SKAP2: variants seen among roughly 807,000 people sequenced by gnomAD.
SKAP2 encodes src kinase-associated phosphoprotein 2.
A neutral mutation model predicts 54.9 loss-of-function variants in SKAP2; 28 were observed. The observed-to-expected ratio is 0.51, with a 90% confidence interval of 0.38 to 0.70. The LOEUF (loss-of-function observed/expected upper bound fraction) is 0.70. SKAP2 is among the 30% of genes least tolerant of loss of function. The probability of loss-of-function intolerance (pLI) is 0.00; values close to 1 mark genes in which losing one functional copy is unlikely to be tolerated. For missense variants in SKAP2, 356 were observed against 424.1 expected, an observed-to-expected ratio of 0.84 and a Z score of 1.41; for synonymous variants, 137 against 134.3, an observed-to-expected ratio of 1.02 and a Z score of -0.14.
chr7:26,746,963 A>C (rs1782571773), intron 4 of SKAP2, among the ~76,000 whole-genome samples: 1 of 152,208 alleles, frequency 6.6e-6, no homozygotes, highest in Non-Finnish European at 1.5e-5. Context: ...TATGAGAGAA[A>C]TAAATACATA....
chr7:26,730,866 G>A (rs1381178176), intron 6 of SKAP2, among the ~76,000 whole-genome samples: 2 of 152,030 alleles, frequency 1.3e-5, no homozygotes, highest in South Asian at 4.2e-4. Flanking sequence ...GTGTTCTGGG[G>A]GTTTTTTAAG....
At chr7:26,795,862 T>C (rs867301870) in intron 4 of SKAP2, among the ~76,000 whole-genome samples, 1 of 152,188 alleles carries the variant, frequency 6.6e-6, no homozygotes, top group Non-Finnish European at 1.5e-5. Context: ...TAAGTGCAAA[T>C]AGCAGTGCAT....
At chr7:26,658,521 A>AT in the SKAP2 span, among the ~76,000 whole-genome samples, 333 of 149,458 alleles carry the variant, frequency 2.2e-3, 2 homozygotes, top group African/African-American at 7.6e-3. Flanking sequence ...CATTTTTCAG[A>AT]TTTTTTTTTT....
intron 9 of SKAP2, among the ~76,000 whole-genome samples, chr7:26,701,094 C>A (rs879665962): frequency 6.6e-6 from 1 of 152,146 alleles, no homozygotes; most frequent in Non-Finnish European, 1.5e-5. Flanking sequence ...CACTTTTACT[C>A]CAGGTGTGGA....
chr7:26,824,965 T>C (rs1457005128), intron 4 of SKAP2, among the ~76,000 whole-genome samples: 1 of 152,204 alleles, frequency 6.6e-6, no homozygotes, highest in African/African-American at 2.4e-5. Context: ...AAATATACTC[T>C]TGTGGTTTTT....
chr7:26,763,639 A>G (rs1345640468), intron 4 of SKAP2, among the ~76,000 whole-genome samples: 1 of 152,168 alleles, frequency 6.6e-6, no homozygotes, highest in Non-Finnish European at 1.5e-5. Flanking sequence ...TAGAATTCAA[A>G]GATTCTTGCT....
chr7:26,832,435 A>G (rs1004881960), intron 4 of SKAP2, among the ~76,000 whole-genome samples: 1 of 152,226 alleles, frequency 6.6e-6, no homozygotes, highest in Non-Finnish European at 1.5e-5. Context: ...GTTTTAGGAT[A>G]CAGCAGCCTC....
intron 4 of SKAP2, among the ~76,000 whole-genome samples, chr7:26,816,532 G>C (rs748185782): frequency 1.4e-4 from 21 of 151,850 alleles, no homozygotes; most frequent in Non-Finnish European, 2.5e-4. Context: ...TATTACTCTA[G>C]TTGTAGTAAG....
At chr7:26,764,799 C>A (rs976319721) in intron 4 of SKAP2, among the ~76,000 whole-genome samples, 9 of 152,132 alleles carry the variant, frequency 5.9e-5, no homozygotes, top group African/African-American at 1.9e-4. Context: ...GATCCGCCCA[C>A]CTCGGCCTCC....
At chr7:26,859,181 C>T (rs2127999518) in intron 1 of SKAP2, among the ~76,000 whole-genome samples, 1 of 152,034 alleles carries the variant, frequency 6.6e-6, no homozygotes, top group East Asian at 1.9e-4. Flanking sequence ...GTGAATTGGG[C>T]CAGATTTCTC....
At chr7:26,796,282 T>C (rs904072893) in intron 4 of SKAP2, among the ~76,000 whole-genome samples, 1 of 152,236 alleles carries the variant, frequency 6.6e-6, no homozygotes, top group African/African-American at 2.4e-5. Flanking sequence ...CCATCTCCTG[T>C]TGCTGTTGGG....
chr7:26,705,881 TCAAAA>T (rs1377058465), intron 9 of SKAP2, among the ~76,000 whole-genome samples: 4 of 152,072 alleles, frequency 2.6e-5, no homozygotes, highest in Non-Finnish European at 5.9e-5. Context: ...AAAGTTAAAA[TCAAAA>T]CAAAACAAAT....
the SKAP2 span, among the ~76,000 whole-genome samples, chr7:26,659,811 CA>C: frequency 1.1e-4 from 16 of 151,942 alleles, no homozygotes; most frequent in Non-Finnish European, 2.9e-5. Context: ...CCTGTGGCCC[CA>C]AAATAGCTTG....
chr7:26,827,715 C>G (rs551566018), intron 4 of SKAP2, among the ~76,000 whole-genome samples: 35 of 152,244 alleles, frequency 2.3e-4, no homozygotes, highest in African/African-American at 8.2e-4. Context: ...ACAACAACAA[C>G]AAAAACATAA....
chr7:26,771,893 G>A (rs561884640), intron 4 of SKAP2, among the ~76,000 whole-genome samples: 8 of 152,226 alleles, frequency 5.3e-5, no homozygotes, highest in South Asian at 2.1e-4. Context: ...AATAACAAAC[G>A]GGTTTGGACA....
chr7:26,829,280 C>T (rs1784556483), intron 4 of SKAP2, among the ~76,000 whole-genome samples: 1 of 152,128 alleles, frequency 6.6e-6, no homozygotes, highest in African/African-American at 2.4e-5. Context: ...CTTTGGGAGG[C>T]TCAACACTTC....
In SKAP2 at chr7:26,668,097, G is replaced by C. The variant is rs930779366; in HGVS notation, c.*1569C>G. 2.6e-5 allele frequency: 4 copies of C among 151,808 alleles called. No homozygotes were observed. Among genetic ancestry groups the C allele is most frequent in the Admixed American group, 6.6e-5 (1 of 15,236 alleles). The allele number at this position is 151,808 out of a possible 1,614,324, so 9.4% of individuals were successfully genotyped here. A position where few individuals can be genotyped will look rare whatever the true frequency, so the allele number is the denominator to read the frequency against. ...TGAGATTGGATGATCATGATATTGA[G>C]GGGGTAATGGTAAAGCAGACCCTCT... is the stretch of plus-strand genomic sequence containing the variant. On this transcript the variant is annotated 3_prime_UTR_variant, in exon 13 of 13. Coordinates refer to ENST00000345317, the MANE Select transcript of SKAP2 (RefSeq NM_003930.5).
chr7:26,658,655 G>T, the SKAP2 span, among the ~76,000 whole-genome samples: 2 of 152,038 alleles, frequency 1.3e-5, no homozygotes, highest in African/African-American at 4.8e-5. Context: ...TTCTACAGAG[G>T]TGCACTGTCA....
chr7:26,726,162 C>T (rs779072855), intron 7 of SKAP2, among the ~76,000 whole-genome samples, 176 bp from the exon 8 acceptor site: 23 of 152,024 alleles, frequency 1.5e-4, no homozygotes, highest in Non-Finnish European at 2.6e-4. Flanking sequence ...GCAATTGAAG[C>T]AGAGGATGAT....
Sources: allele counts gnomAD v4.1 joint callset (sites outside exome capture counted in the v4.1 genomes callset), GRCh38; gene constraint gnomAD v4.1.1; transcripts MANE v1.5; gene names NCBI Gene and HGNC (gene_info 2026-07-23, HGNC 2026-07-21).